RASL12: variants seen among roughly 807,000 people sequenced by gnomAD.
The protein encoded by RASL12 is RAS like family 12.
In RASL12, 16 loss-of-function variants were observed where a neutral mutation model predicts 22.9. That is an observed-to-expected ratio of 0.70 (90% confidence interval 0.47 to 1.06). The LOEUF is 1.06. RASL12 is among the 50% of genes least tolerant of loss of function. The pLI is 0.00. For missense variants in RASL12, 306 were observed against 353.1 expected (o/e 0.87, Z 1.07); for synonymous variants, 159 against 152.2 (o/e 1.04, Z -0.33).
chr15:65,064,424 G>A (rs796989532), intron 2 of RASL12, among the ~76,000 whole-genome samples: 7 of 152,118 alleles, frequency 4.6e-5, no homozygotes, highest in East Asian at 1.9e-4. Context: ...ACACCGAAAC[G>A]TTCCTTTTTC....
intron 2 of RASL12, 87 bp downstream of exon 2, chr15:65,065,130 T>G: frequency 7.7e-7 from 1 of 1,300,956 alleles, no homozygotes; most frequent in Non-Finnish European, 1.1e-6. Flanking sequence ...CATGCAGTCC[T>G]GGTCAGTGCC....
intron 4 of RASL12, among the ~76,000 whole-genome samples, chr15:65,056,856 C>T (rs1049062457): frequency 3.3e-5 from 5 of 152,152 alleles, no homozygotes; most frequent in East Asian, 1.9e-4. Flanking sequence ...TTTTAGGGAA[C>T]GGGTGGGATC....
intron 1 of RASL12, among the ~76,000 whole-genome samples, chr15:65,065,572 T>C (rs1432949226): frequency 6.6e-6 from 1 of 152,110 alleles, no homozygotes; most frequent in East Asian, 1.9e-4. Flanking sequence ...TCAGGACCCA[T>C]GCAACCATTA....
At chr15:65,057,995 GGC>G (rs2086753753) in intron 4 of RASL12, among the ~76,000 whole-genome samples, 1 of 152,214 alleles carries the variant, frequency 6.6e-6, no homozygotes, top group Non-Finnish European at 1.5e-5. Context: ...CCTGTGGTCG[GGC>G]ACGGTGGCTC....
At position 65,076,518 on chromosome 15, in the gene RASL12, G is replaced by A. The variant is rs183179121; in HGVS notation, c.70+11C>T. On this transcript the variant is annotated intron_variant, in intron 1 of 4. Transcript: ENST00000434605. ...CTCCAGACACGCTACCTTAAGAGCT[G>A]TAACACTCACCTCGAGGGTCCGCGG... 5.1e-3 allele frequency: 3,553 copies of A among 697,818 alleles called. 37 individuals carry two copies. Among genetic ancestry groups the A allele is most frequent in the Middle Eastern group, 0.027 (114 of 4,252 alleles). 43.2% of individuals were successfully genotyped at this position (697,818 alleles called of 1,614,324 possible).
chr15:65,052,479 C>G (rs754163783), downstream of RASL12, among the ~76,000 whole-genome samples: 1 of 143,392 alleles, frequency 7.0e-6, no homozygotes, highest in Non-Finnish European at 1.5e-5. Context: ...CGGCTCACTG[C>G]AACCTCTGCC....
intron 1 of RASL12, among the ~76,000 whole-genome samples, chr15:65,074,728 T>G (rs966315245): frequency 2.6e-5 from 4 of 152,194 alleles, no homozygotes; most frequent in African/African-American, 7.2e-5. Context: ...GAGGAACGGT[T>G]AGGACATTCG....
Position 65,058,524 on chromosome 15 carries a change from T to C in RASL12, c.328A>G (p.Ser110Gly). 1 of 1,611,968 alleles carries C rather than the reference T, an allele frequency of 6.2e-7. No individual in the cohort carries two copies. Among genetic ancestry groups the C allele is most frequent in the Non-Finnish European group, 8.5e-7 (1 of 1,178,616 alleles). ...AAGGCAAGCAGCTCCAGGTAGCTGCTGCTGCTATCAAAGCTCTGGCGGCTG... is the reference window on the plus strand; with the variant it reads ...AAGGCAAGCAGCTCCAGGTAGCTGCCGCTGCTATCAAAGCTCTGGCGGCTG... ...VDSRQSFDSS[S>G]SYLELLALHA... The change falls in exon 4 of 5, where the codon AGC (serine) becomes GGC (glycine). Residue 110 changes from serine (S) to glycine (G), a missense_variant. By Grantham distance (56) the Ser-to-Gly change is moderately conservative (BLOSUM62 0). Coordinates refer to ENST00000220062, the MANE Select transcript of RASL12 (RefSeq NM_016563.4).
At chr15:65,050,173 C>G (rs1034355301), downstream of RASL12, 1 of 1,243,232 alleles carries the variant, frequency 8.0e-7, no homozygotes, top group Non-Finnish European at 1.1e-6. Flanking sequence ...GGCTGAAGGT[C>G]CTGACACTGT....
At chr15:65,065,802 C>T (rs527764593) in intron 1 of RASL12, among the ~76,000 whole-genome samples, 17 of 152,072 alleles carry the variant, frequency 1.1e-4, no homozygotes, top group Non-Finnish European at 1.8e-4. Flanking sequence ...GTCTGTGTCC[C>T]GAAGAAACAC....
chr15:65,061,376 C>T (rs1039461628), intron 2 of RASL12, among the ~76,000 whole-genome samples: 27 of 152,214 alleles, frequency 1.8e-4, no homozygotes, highest in Non-Finnish European at 3.2e-4. Context: ...AGACCAGAAT[C>T]GCCCAGTCTG....
At chr15:65,046,380 G>A in the RASL12 span, among the ~76,000 whole-genome samples, 1 of 152,136 alleles carries the variant, frequency 6.6e-6, no homozygotes. Context: ...TGAGGCAGGA[G>A]AATCACTTGA....
chr15:65,069,582 G>T (rs2086916675), upstream of RASL12, among the ~76,000 whole-genome samples: 1 of 152,166 alleles, frequency 6.6e-6, no homozygotes, highest in South Asian at 2.1e-4. Flanking sequence ...CCTCTATGTG[G>T]TCTGTTTCCT....
chr15:65,073,400 G>A (rs1422106206), intron 1 of RASL12, among the ~76,000 whole-genome samples: 3 of 152,040 alleles, frequency 2.0e-5, no homozygotes, highest in Admixed American at 2.0e-4. Context: ...AGATCATCAG[G>A]CATTAGATTG....
In RASL12 at chr15:65,060,301, AT is replaced by A. The variant is rs201154868; in HGVS notation, c.161-884del. 3.8e-4 allele frequency among the ~76,000 whole-genome samples: 58 copies of A among 151,270 alleles called. 1 individual carries two copies. Among genetic ancestry groups the A allele is most frequent in the African/African-American group, 1.3e-3 (55 of 41,200 alleles). ...TAGGGCAGGATCACATTCCCAGGTG[AT>A]TTTTTTTTTAACTTTTGAAATAACT... On this transcript the variant is annotated intron_variant, in intron 2 of 4. Transcript: ENST00000220062.
downstream of RASL12, among the ~76,000 whole-genome samples, chr15:65,051,946 A>G (rs1009366117): frequency 2.0e-5 from 3 of 152,166 alleles, no homozygotes; most frequent in African/African-American, 7.2e-5. Context: ...GTGGCTGTCC[A>G]TGGGTACAGC....
intron 1 of RASL12, chr15:65,076,440 AACCC>A (rs2086970119): frequency 3.4e-6 from 2 of 582,516 alleles, no homozygotes; most frequent in South Asian, 4.5e-5. Context: ...CGAGACCATG[AACCC>A]ACCAGAAGGA....
chr15:65,047,945 G>A, the RASL12 span, among the ~76,000 whole-genome samples: 2 of 152,140 alleles, frequency 1.3e-5, no homozygotes, highest in Non-Finnish European at 2.9e-5. Flanking sequence ...TTGGGAGGCC[G>A]AGGCGAGTGG....
upstream of RASL12, among the ~76,000 whole-genome samples, chr15:65,069,346 T>C (rs879533327): frequency 6.6e-6 from 1 of 152,188 alleles, no homozygotes; most frequent in African/African-American, 2.4e-5. Flanking sequence ...GGGTTTTCCT[T>C]TGAGTTGTAG....
Sources: allele counts gnomAD v4.1 joint callset (sites outside exome capture counted in the v4.1 genomes callset), GRCh38; gene constraint gnomAD v4.1.1; transcripts MANE v1.5; gene names NCBI Gene and HGNC (gene_info 2026-07-23, HGNC 2026-07-21).